The following NLRX1 variants were observed in gnomAD, a reference collection of about 807,000 sequenced individuals.
The protein encoded by NLRX1 is NOD-like receptor X1.
A neutral mutation model predicts 74.2 loss-of-function variants in NLRX1; 67 were observed. The observed-to-expected ratio is 0.90, with a 90% confidence interval of 0.74 to 1.11. The LOEUF is 1.11. Among genes scored for constraint, NLRX1 ranks in the 50% least tolerant of loss-of-function variants. The pLI, the probability that NLRX1 is intolerant of heterozygous loss-of-function variation, is 0.00. For synonymous variants in NLRX1, 506 were observed against 559.1 expected (o/e 0.91, Z 1.34); for missense variants, 1,191 against 1,305.4 (o/e 0.91, Z 1.35).
chr11:119,177,326 C>T (rs957032327), intron 6 of NLRX1, among the ~76,000 whole-genome samples: 1 of 151,846 alleles, frequency 6.6e-6, no homozygotes. Context: ...AGGTGATCCA[C>T]CCACCTCAGC....
intron 6 of NLRX1, among the ~76,000 whole-genome samples, chr11:119,176,933 G>T (rs1033683463): frequency 6.6e-6 from 1 of 152,182 alleles, no homozygotes; most frequent in Non-Finnish European, 1.5e-5. Flanking sequence ...TTAGCTGTGA[G>T]ACTTTGGACA....
chr11:119,171,344 T>C lies in NLRX1; in HGVS notation c.-48-12T>C. Reference sequence around the variant, plus strand: ...TGGTGGCAGTGATCCATTCGTACTATTCTTCTTGCAGGACAGAAGTCGGTC... The same window carrying C: ...TGGTGGCAGTGATCCATTCGTACTACTCTTCTTGCAGGACAGAAGTCGGTC... On this transcript the variant is annotated splice_polypyrimidine_tract_variant and intron_variant, in intron 1 of 9. Transcript: ENST00000409109. The C allele has an allele frequency of 6.3e-7, 1 of 1,596,480 alleles. No homozygotes were observed. The highest frequency in any genetic ancestry group is 8.6e-7 in the Non-Finnish European group (1 of 1,168,442).
At chr11:119,171,616 C>T (rs760258730) in intron 2 of NLRX1, 143 bp downstream of exon 2, 3 of 592,462 alleles carry the variant, frequency 5.1e-6, no homozygotes, top group African/African-American at 1.9e-5. Context: ...TTGAGCATGT[C>T]GCTTCACCTT....
At chr11:119,177,117 T>C (rs1948719566) in intron 6 of NLRX1, among the ~76,000 whole-genome samples, 1 of 152,070 alleles carries the variant, frequency 6.6e-6, no homozygotes, top group African/African-American at 2.4e-5. Flanking sequence ...AGTCTCGCTC[T>C]GTCGCCCAGG....
rs759085849 is a variant in NLRX1 at position 119,171,570 on chromosome 11, A to T, written c.70+97A>T. On this transcript the variant is annotated intron_variant, in intron 2 of 9. Transcript: ENST00000409109. ...CAGCAGGGATCCAGACACCAGGTGC[A>T]CTAGTCTCAGCTCCGTGGTTCTCTA... 50 of 831,924 alleles carry T rather than the reference A, an allele frequency of 6.0e-5. No homozygotes were observed. The Middle Eastern group carries it at 1.9e-3, about 32-fold the overall frequency. The allele number at this position is 831,924 out of a possible 1,614,324, so 51.5% of individuals were successfully genotyped here.
chr11:119,181,367 A>G, intron 8 of NLRX1, 110 bp downstream of exon 8: 1 of 807,668 alleles, frequency 1.2e-6, no homozygotes, highest in Non-Finnish European at 2.1e-6. Context: ...TAAATGGAGG[A>G]GAGTCTAGGC....
chr11:119,172,720 AAGGCCTCAGCAC>A (rs1948583042), intron 3 of NLRX1, among the ~76,000 whole-genome samples, 169 bp from the exon 4 acceptor site: 1 of 152,156 alleles, frequency 6.6e-6, no homozygotes, highest in Non-Finnish European at 1.5e-5. Context: ...GGCTAGGGCT[AAGGCCTCAGCAC>A]CTGGGAAGGG....
intron 6 of NLRX1, among the ~76,000 whole-genome samples, chr11:119,179,020 G>A (rs904479324): frequency 2.6e-5 from 4 of 152,120 alleles, no homozygotes; most frequent in African/African-American, 9.7e-5. Context: ...CCTTGGCACT[G>A]TTAAGATGAA....
At chr11:119,171,572 T>G in intron 2 of NLRX1, 99 bp downstream of exon 2, 1 of 791,384 alleles carries the variant, frequency 1.3e-6, no homozygotes, top group Non-Finnish European at 2.1e-6. Flanking sequence ...CCAGGTGCAC[T>G]AGTCTCAGCT....
chr11:119,171,291 G>T, intron 1 of NLRX1, 65 bp from the exon 2 acceptor site: 1 of 1,138,146 alleles, frequency 8.8e-7, no homozygotes. Context: ...TCCTTGGCTG[G>T]AATGGGGTTA....
chr11:119,181,419 A>G (rs2135192689), intron 8 of NLRX1, 162 bp downstream of exon 8: 1 of 607,636 alleles, frequency 1.6e-6, no homozygotes, highest in Non-Finnish European at 3.0e-6. Context: ...CACTGCAAGC[A>G]GCAGGGCAGC....
At position 119,173,226 on chromosome 11, in the gene NLRX1, G is replaced by T; in HGVS notation, c.229+237G>T. ...TACCATCCCTATGCTCAACAAAGTT[G>T]GGTCAAGCAGGTTAAGACGGCACAT... On this transcript the variant is annotated intron_variant, in intron 4 of 9. Transcript: ENST00000409109. This position sits in a 1 kb window ranked among gnomAD's most constrained non-coding sequence, Gnocchi z 4.0. 1.6e-6 allele frequency: 1 copy of T among 615,680 alleles called. No homozygotes were observed. The allele number at this position is 615,680 out of a possible 1,614,324, so 38.1% of individuals were successfully genotyped here. A position where few individuals can be genotyped will look rare whatever the true frequency, so the allele number is the denominator to read the frequency against.
At chr11:119,174,376 T>C in intron 5 of NLRX1, 77 bp from the exon 6 acceptor site, 1 of 1,448,848 alleles carries the variant, frequency 6.9e-7, no homozygotes, top group Non-Finnish European at 9.5e-7. Context: ...ACACTCCGTC[T>C]TCAGGGGTCC....
At position 119,175,179 on chromosome 11, in the gene NLRX1, G is replaced by A. The variant is rs751988248; in HGVS notation, c.1576G>A (p.Val526Met). 8.7e-6 allele frequency: 14 copies of A among 1,614,184 alleles called. No homozygotes were observed. Among genetic ancestry groups the A allele is most frequent in the South Asian group, 1.1e-5 (1 of 91,086 alleles). The change falls in exon 6 of 10, where the codon GTG becomes ATG. Residue 526 changes from valine (V) to methionine (M), a missense_variant. By Grantham distance (21) the Val-to-Met change is conservative. Coordinates refer to ENST00000409109, the MANE Select transcript of NLRX1 (RefSeq NM_001282144.2). ...QKVGKEVAEL[V>M]GRVGEDVSLV... Reference sequence around the variant, plus strand: ...GGTGGGCAAGGAAGTGGCTGAGCTCGTGGGCCGTGTTGGGGAGGACGTCAG... The same window carrying A: ...GGTGGGCAAGGAAGTGGCTGAGCTCATGGGCCGTGTTGGGGAGGACGTCAG...
chr11:119,178,402 A>T (rs1461126671), intron 6 of NLRX1, among the ~76,000 whole-genome samples: 1 of 152,224 alleles, frequency 6.6e-6, no homozygotes, highest in East Asian at 1.9e-4. Context: ...TCAGTTAACA[A>T]AACTACAGGT....
chr11:119,179,668 T>C, intron 6 of NLRX1, 25 bp from the exon 7 acceptor site: 1 of 1,383,996 alleles, frequency 7.2e-7, no homozygotes, highest in Non-Finnish European at 9.5e-7. Flanking sequence ...AAGGCCACAG[T>C]GACTCTCCCC....
chr11:119,181,105 GGA>G, intron 7 of NLRX1, 64 bp from the exon 8 acceptor site: 1 of 1,127,600 alleles, frequency 8.9e-7, no homozygotes, highest in Non-Finnish European at 1.4e-6. Context: ...CATGGTAGAT[GGA>G]CAGACTGCCT....
intron 6 of NLRX1, among the ~76,000 whole-genome samples, chr11:119,176,471 C>G (rs932687051): frequency 3.3e-5 from 5 of 152,072 alleles, no homozygotes; most frequent in Admixed American, 2.6e-4. Flanking sequence ...GTAATCCCAG[C>G]ACTTTGAGAG....
Position 119,174,492 on chromosome 11 carries a change from C to T in NLRX1, c.889C>T (p.Arg297Cys), listed in dbSNP as rs774043342. ...GACCACTCGGCCCTCTGCCATTGGC[C>T]GTATCCCCAGCAAGTACGTGGGCCG... ...LVTTRPSAIG[R>C]IPSKYVGRYG... Residue 297 changes from arginine to cysteine, a missense_variant, in exon 6 of 10, where the codon CGT (arginine) becomes TGT (cysteine). Transcript: ENST00000409109. 19 of 1,614,090 alleles carry T rather than the reference C, an allele frequency of 1.2e-5. No homozygotes were observed. Among genetic ancestry groups the T allele is most frequent in the African/African-American group, 6.7e-5 (5 of 74,946 alleles).
Sources: gnomAD v4.1 joint callset for allele counts (sites outside exome capture counted in the v4.1 genomes callset) on GRCh38, gnomAD v4.1.1 for gene constraint, Gnocchi (gnomAD v3.1) non-coding constraint, MANE v1.5 for transcripts, NCBI Gene and HGNC (gene_info 2026-07-23, HGNC 2026-07-21) for gene names.